Variants in SYBU observed in about 807,000 individuals in gnomAD.
SYBU encodes the protein syntabulin.
In SYBU, 21 loss-of-function variants were observed where a neutral mutation model predicts 35.9. That is an observed-to-expected ratio of 0.58 (90% CI 0.41 to 0.84). The LOEUF (loss-of-function observed/expected upper bound fraction) is 0.84. Among genes scored for constraint, SYBU ranks in the 40% least tolerant of loss-of-function variants. SYBU has a pLI of 0.00. For missense variants in SYBU, 768 were observed against 848.2 expected (o/e 0.91, Z 1.17); for synonymous variants, 319 against 324.3 (o/e 0.98, Z 0.18).
At chr8:109,624,005 T>C (rs1409589016) in intron 2 of SYBU, among the ~76,000 whole-genome samples, 1 of 152,212 alleles carries the variant, frequency 6.6e-6, no homozygotes, top group Non-Finnish European at 1.5e-5. Context: ...TCATTATCTG[T>C]CATTGAAAAT....
upstream of SYBU, among the ~76,000 whole-genome samples, chr8:109,684,561 T>C (rs1817476942): frequency 6.6e-6 from 1 of 152,194 alleles, no homozygotes; most frequent in Non-Finnish European, 1.5e-5. Flanking sequence ...GCTCAGGGTG[T>C]TTGATATTGG....
At chr8:109,648,388 T>C (rs1815935537), upstream of SYBU, among the ~76,000 whole-genome samples, 1 of 151,210 alleles carries the variant, frequency 6.6e-6, no homozygotes, top group Non-Finnish European at 1.5e-5. Flanking sequence ...AGTTACTTGA[T>C]TGTTTATGTG....
intron 1 of SYBU, among the ~76,000 whole-genome samples, chr8:109,677,251 C>A (rs1817226408): frequency 6.6e-6 from 1 of 152,072 alleles, no homozygotes; most frequent in South Asian, 2.1e-4. Flanking sequence ...ACCCCTGGTA[C>A]CTTTTCAATT....
intron 3 of SYBU, among the ~76,000 whole-genome samples, chr8:109,606,322 AT>A (rs1826063900): frequency 1.3e-5 from 2 of 152,188 alleles, no homozygotes; most frequent in Admixed American, 6.5e-5. Flanking sequence ...ATAGAAGTTA[AT>A]TTTTTTGTAT....
intron 2 of SYBU, among the ~76,000 whole-genome samples, chr8:109,630,861 AC>A (rs1813541143): frequency 6.6e-6 from 1 of 152,190 alleles, no homozygotes; most frequent in African/African-American, 2.4e-5. Flanking sequence ...ACATTGAAAG[AC>A]ACAGGCCTGG....
upstream of SYBU, among the ~76,000 whole-genome samples, chr8:109,649,710 T>C (rs1472822852): frequency 6.6e-6 from 1 of 152,002 alleles, no homozygotes; most frequent in African/African-American, 2.4e-5. Context: ...TCTTTGAAAA[T>C]AGGGTAGGAT....
chr8:109,657,003 A>G (rs1437406484), intron 1 of SYBU, among the ~76,000 whole-genome samples: 3 of 152,194 alleles, frequency 2.0e-5, no homozygotes, highest in Admixed American at 1.3e-4. Flanking sequence ...ACACATAAAG[A>G]CATGGCAAAA....
At chr8:109,648,134 TG>T (rs1421898944), upstream of SYBU, 1 of 151,792 alleles carries the variant, frequency 6.6e-6, no homozygotes, top group Non-Finnish European at 1.5e-5. Flanking sequence ...ACTTACTTTA[TG>T]GTCTTGTTTT....
At chr8:109,626,570 A>G (rs1208332614) in intron 2 of SYBU, among the ~76,000 whole-genome samples, 1 of 152,224 alleles carries the variant, frequency 6.6e-6, no homozygotes, top group African/African-American at 2.4e-5. Flanking sequence ...GCATGTGCGT[A>G]TCATAAACTT....
chr8:109,644,940 G>C (rs1451774805), upstream of SYBU: 1 of 531,086 alleles, frequency 1.9e-6, no homozygotes, highest in Non-Finnish European at 3.4e-6. Context: ...GGGGCAACTC[G>C]ACCGCGCCTG....
intron 1 of SYBU, among the ~76,000 whole-genome samples, chr8:109,653,872 C>A (rs1277019230): frequency 6.6e-6 from 1 of 152,066 alleles, no homozygotes; most frequent in Non-Finnish European, 1.5e-5. Context: ...GTGTTTCTTC[C>A]TATACAAGAA....
At chr8:109,598,146 C>T (rs1563702703) in intron 3 of SYBU, among the ~76,000 whole-genome samples, 1 of 152,206 alleles carries the variant, frequency 6.6e-6, no homozygotes, top group South Asian at 2.1e-4. Flanking sequence ...CTAAGACAGG[C>T]CTATGCCTGA....
chr8:109,676,254 C>T (rs1283954234), intron 1 of SYBU, among the ~76,000 whole-genome samples: 1 of 152,160 alleles, frequency 6.6e-6, no homozygotes, highest in African/African-American at 2.4e-5. Context: ...CGTCATCACT[C>T]CTATTCAACA....
At chr8:109,676,657 C>T (rs1364664837) in intron 1 of SYBU, among the ~76,000 whole-genome samples, 1 of 152,156 alleles carries the variant, frequency 6.6e-6, no homozygotes, top group African/African-American at 2.4e-5. Flanking sequence ...ACTCCAATTT[C>T]ACAGTATAGC....
intron 2 of SYBU, among the ~76,000 whole-genome samples, chr8:109,621,349 C>A (rs946483514): frequency 1.3e-5 from 2 of 152,124 alleles, no homozygotes; most frequent in African/African-American, 4.8e-5. Flanking sequence ...GTGTAAGAGG[C>A]AGTAGCAATT....
intron 5 of SYBU, among the ~76,000 whole-genome samples, chr8:109,579,575 C>T (rs560837965): frequency 4.6e-4 from 70 of 152,284 alleles, no homozygotes; most frequent in African/African-American, 1.5e-3. Context: ...TTTTCTCTCC[C>T]TATTCAGGAA....
chr8:109,623,029 G>A (rs1211695169), intron 2 of SYBU, among the ~76,000 whole-genome samples: 2 of 136,016 alleles, frequency 1.5e-5, no homozygotes, highest in Non-Finnish European at 3.1e-5. Context: ...GCGTGCGCGC[G>A]CGCACACACA....
At chr8:109,648,246 A>AAT (rs531623978), upstream of SYBU, among the ~76,000 whole-genome samples, 5,925 of 145,924 alleles carry the variant, frequency 0.041, 404 homozygotes, top group African/African-American at 0.14. Flanking sequence ...AATATATAAT[A>AAT]ATATATATAT....
intron 2 of SYBU, among the ~76,000 whole-genome samples, chr8:109,638,358 C>T (rs1373336651): frequency 6.6e-6 from 1 of 152,122 alleles, no homozygotes; most frequent in African/African-American, 2.4e-5. Flanking sequence ...ACACAATTCA[C>T]TACTTACAGA....
Sources: gnomAD v4.1 joint callset for allele counts (sites outside exome capture counted in the v4.1 genomes callset) on GRCh38, gnomAD v4.1.1 for gene constraint, MANE v1.5 for transcripts, NCBI Gene and HGNC (gene_info 2026-07-23, HGNC 2026-07-21) for gene names.